The following HDLBP variants were observed in gnomAD, a reference collection of about 807,000 sequenced individuals.
HDLBP encodes the protein high density lipoprotein binding protein.
In HDLBP, 30 loss-of-function variants were observed where a neutral mutation model predicts 137.3. That is an observed-to-expected ratio of 0.22 (90% CI 0.16 to 0.30). The LOEUF is 0.30. Among genes scored for constraint, HDLBP ranks in the 10% least tolerant of loss-of-function variants. HDLBP has a pLI of 1.00. For synonymous variants in HDLBP, 606 were observed against 596.0 expected (o/e 1.02, Z -0.24); for missense variants, 1,119 against 1,667.3 (o/e 0.67, Z 5.73).
In HDLBP at chr2:241,239,540, C is replaced by G; in HGVS notation, c.2610+62G>C. 7.2e-7 allele frequency: 1 copy of G among 1,385,512 alleles called. No homozygotes were observed. The highest frequency in any genetic ancestry group is 1.7e-5 in the Admixed American group (1 of 58,770). The allele number at this position is 1,385,512 out of a possible 1,614,324, so 85.8% of individuals were successfully genotyped here. ...CTACAGGGTGGAGCGAACACTCATACACGGCTTCGGTGAGTGGCCACTGGG... is the reference window on the plus strand; with the variant it reads ...CTACAGGGTGGAGCGAACACTCATAGACGGCTTCGGTGAGTGGCCACTGGG... On this transcript the variant is annotated intron_variant, in intron 19 of 27. Coordinates refer to ENST00000310931, the MANE Select transcript of HDLBP (RefSeq NM_005336.6). This position sits in a 1 kb window ranked among gnomAD's most constrained non-coding sequence, Gnocchi z 4.6.
intron 1 of HDLBP, among the ~76,000 whole-genome samples, chr2:241,291,028 C>G (rs10933547): frequency 0.48 from 73,599 of 152,018 alleles, 19,434 homozygotes; most frequent in East Asian, 0.78. Flanking sequence ...GTTTGTGAGA[C>G]TTATCTGCAG....
intron 1 of HDLBP, among the ~76,000 whole-genome samples, chr2:241,271,313 C>T (rs1264290742): frequency 6.6e-6 from 1 of 151,998 alleles, no homozygotes; most frequent in African/African-American, 2.4e-5. Context: ...GTGCAAACAT[C>T]CAAAGCAAAA....
chr2:241,294,962 CATG>C (rs2075124800), intron 1 of HDLBP, among the ~76,000 whole-genome samples: 1 of 152,008 alleles, frequency 6.6e-6, no homozygotes. Context: ...ATTAGCCAGG[CATG>C]GTGGTGGGTG....
At chr2:241,280,788 T>A (rs1055928876) in intron 1 of HDLBP, among the ~76,000 whole-genome samples, 6 of 152,226 alleles carry the variant, frequency 3.9e-5, no homozygotes, top group African/African-American at 1.4e-4. Flanking sequence ...TGGGGCCTTT[T>A]CTGCAAGTTG....
chr2:241,253,106 A>G (rs1196795391), intron 10 of HDLBP, 71 bp from the exon 11 acceptor site: 6 of 1,136,476 alleles, frequency 5.3e-6, no homozygotes, highest in Admixed American at 1.8e-5. Context: ...AAAACCCAGC[A>G]GTCTCCACGG....
chr2:241,254,013 A>G (rs1481989009), intron 9 of HDLBP, among the ~76,000 whole-genome samples: 1 of 152,180 alleles, frequency 6.6e-6, no homozygotes, highest in African/African-American at 2.4e-5. Flanking sequence ...GGCTGGGCAC[A>G]GTGACTCACA....
chr2:241,244,482 C>A (rs1187007406), intron 16 of HDLBP, among the ~76,000 whole-genome samples: 2 of 152,150 alleles, frequency 1.3e-5, no homozygotes, highest in Admixed American at 1.3e-4. Flanking sequence ...GGAACAAAGC[C>A]AGGGGCACCA....
chr2:241,279,338 T>TA (rs201023746), intron 1 of HDLBP, among the ~76,000 whole-genome samples: 8 of 152,008 alleles, frequency 5.3e-5, no homozygotes, highest in Non-Finnish European at 1.2e-4. Flanking sequence ...CACTGAATTG[T>TA]AAAAAAAATT....
chr2:241,244,457 T>C (rs1342377990), intron 16 of HDLBP, among the ~76,000 whole-genome samples: 3 of 152,032 alleles, frequency 2.0e-5, no homozygotes, highest in African/African-American at 7.3e-5. Flanking sequence ...AGGGAGAAGG[T>C]TTGTCATGGA....
chr2:241,311,689 C>A lies in HDLBP; in HGVS notation c.-103+3881G>T, dbSNP rs532346618. ...TGAGCAAGCAGCAAGCAAACAAAAA[C>A]AAATAAGACTTGTAATAACCCAGGA... On this transcript the variant is annotated intron_variant, in intron 1 of 27. Transcript: ENST00000310931. Among the ~76,000 whole-genome samples the A allele has an allele frequency of 6.9e-4, 105 of 152,262 alleles. 2 individuals are homozygous for A. In the South Asian group the frequency reaches 0.022, roughly 31 times the overall value.
intron 1 of HDLBP, among the ~76,000 whole-genome samples, chr2:241,302,252 T>C (rs577197349): frequency 6.6e-6 from 1 of 152,112 alleles, no homozygotes; most frequent in South Asian, 2.1e-4. Flanking sequence ...CAAGACCCTG[T>C]GTCAAACAAA....
chr2:241,293,386 TGA>T (rs2075068613), intron 1 of HDLBP, among the ~76,000 whole-genome samples: 1 of 151,450 alleles, frequency 6.6e-6, no homozygotes, highest in Admixed American at 6.6e-5. Flanking sequence ...TCCCAGCTAC[TGA>T]GAGGCTGAGG....
intron 6 of HDLBP, 87 bp downstream of exon 6, chr2:241,256,513 A>T (rs1011203123): frequency 6.6e-7 from 1 of 1,519,348 alleles, no homozygotes; most frequent in African/African-American, 1.4e-5. Flanking sequence ...TATGCCTTGA[A>T]GTCCACACTG....
chr2:241,268,580 AC>A, intron 1 of HDLBP, 39 bp from the exon 2 acceptor site: 2 of 814,320 alleles, frequency 2.5e-6, no homozygotes, highest in Non-Finnish European at 3.0e-6. Flanking sequence ...GAGAGAGGAA[AC>A]CAGAGAAAAG....
chr2:241,313,279 C>A (rs998556566), intron 1 of HDLBP, among the ~76,000 whole-genome samples: 1 of 152,146 alleles, frequency 6.6e-6, no homozygotes, highest in Non-Finnish European at 1.5e-5. Context: ...TCTATATCCT[C>A]TTTTTTTGTT....
At position 241,272,908 on chromosome 2, in the gene HDLBP, C is replaced by A. The variant is rs938056382; in HGVS notation, c.-102-4367G>T. On this transcript the variant is annotated intron_variant, in intron 1 of 27. Transcript: ENST00000310931. This position sits in a 1 kb window ranked among gnomAD's most constrained non-coding sequence, Gnocchi z 5.6. ...GCCTGGACACGTCAGCGCCCGCCCGCCCCGCCGCTGGGGTCCCCGCCGCCC... is the reference window on the plus strand; with the variant it reads ...GCCTGGACACGTCAGCGCCCGCCCGACCCGCCGCTGGGGTCCCCGCCGCCC... 1.4e-4 allele frequency: 89 copies of A among 624,408 alleles called. No homozygotes were observed. The highest frequency in any genetic ancestry group is 1.6e-3 in the Middle Eastern group (2 of 1,254). The allele number at this position is 624,408 out of a possible 1,614,324, so 38.7% of individuals were successfully genotyped here.
At chr2:241,264,092 G>A (rs181742029) in intron 4 of HDLBP, among the ~76,000 whole-genome samples, 67 of 138,524 alleles carry the variant, frequency 4.8e-4, no homozygotes, top group African/African-American at 1.3e-3. Flanking sequence ...GGCCGGGCGC[G>A]GTGGCTCATG....
At chr2:241,283,882 C>T (rs1370545939) in intron 1 of HDLBP, among the ~76,000 whole-genome samples, 1 of 152,162 alleles carries the variant, frequency 6.6e-6, no homozygotes, top group Non-Finnish European at 1.5e-5. Context: ...GCTCATTTAC[C>T]ATTCTGAAAA....
chr2:241,292,686 TAA>T (rs1257882050), intron 1 of HDLBP, among the ~76,000 whole-genome samples: 2 of 152,148 alleles, frequency 1.3e-5, no homozygotes, highest in Non-Finnish European at 2.9e-5. Flanking sequence ...ATGAAAAATA[TAA>T]AATATTGGGA....
Sources: gnomAD v4.1 joint callset for allele counts (sites outside exome capture counted in the v4.1 genomes callset) on GRCh38, gnomAD v4.1.1 for gene constraint, Gnocchi (gnomAD v3.1) non-coding constraint, MANE v1.5 for transcripts, NCBI Gene and HGNC (gene_info 2026-07-23, HGNC 2026-07-21) for gene names.